The following CDH11 variants were observed in gnomAD, a reference collection of about 807,000 sequenced individuals.
The protein encoded by CDH11 is cadherin-11.
A neutral mutation model predicts 67.8 loss-of-function variants in CDH11; 11 were observed. The observed-to-expected ratio is 0.16, with a 90% CI of 0.10 to 0.27. The LOEUF (loss-of-function observed/expected upper bound fraction) is 0.27. Among genes scored for constraint, CDH11 ranks in the 10% least tolerant of loss-of-function variants. The probability of loss-of-function intolerance (pLI) is 1.00; values close to 1 mark genes in which losing one functional copy is unlikely to be tolerated. For missense variants in CDH11, 847 were observed against 1,031.2 expected (o/e 0.82, Z 2.45); for synonymous variants, 419 against 400.0 (o/e 1.05, Z -0.57).
chr16:65,044,024 A>C (rs1310357775), intron 2 of CDH11, among the ~76,000 whole-genome samples: 1 of 152,140 alleles, frequency 6.6e-6, no homozygotes, highest in Admixed American at 6.5e-5. Context: ...TGCAGTTTAA[A>C]GTGCTGTGCA....
intron 8 of CDH11, among the ~76,000 whole-genome samples, chr16:64,979,740 A>AGTGG (rs2072280516): frequency 6.6e-5 from 10 of 152,218 alleles, no homozygotes; most frequent in African/African-American, 2.4e-4. Context: ...AGGAAAGAGG[A>AGTGG]AAACATGTTT....
intron 12 of CDH11, among the ~76,000 whole-genome samples, chr16:64,949,484 C>T (rs372813021): frequency 2.1e-5 from 3 of 145,562 alleles, no homozygotes; most frequent in East Asian, 2.0e-4. Flanking sequence ...TGAAGTGCAA[C>T]GGCGCCATCT....
intron 1 of CDH11, among the ~76,000 whole-genome samples, chr16:65,061,952 C>T (rs761619675): frequency 1.3e-5 from 2 of 152,130 alleles, no homozygotes; most frequent in African/African-American, 2.4e-5. Flanking sequence ...CACAAAAAGA[C>T]GGAGTAAAGT....
chr16:65,015,326 T>C (rs181737638), intron 2 of CDH11, among the ~76,000 whole-genome samples: 2 of 152,032 alleles, frequency 1.3e-5, no homozygotes, highest in Admixed American at 1.3e-4. Context: ...AATTCTAGAA[T>C]CTCAGAGTTG....
intron 2 of CDH11, among the ~76,000 whole-genome samples, chr16:65,005,602 G>T (rs1234199467): frequency 6.6e-6 from 1 of 152,188 alleles, no homozygotes; most frequent in Non-Finnish European, 1.5e-5. Context: ...GGGAAGGGAT[G>T]TAGGGGAAGA....
At chr16:64,959,239 G>A (rs1290966028) in intron 11 of CDH11, among the ~76,000 whole-genome samples, 1 of 152,192 alleles carries the variant, frequency 6.6e-6, no homozygotes, top group Non-Finnish European at 1.5e-5. Flanking sequence ...AAGCATGTGT[G>A]TATGAGATAT....
At chr16:64,952,695 A>G (rs1275551210) in intron 11 of CDH11, among the ~76,000 whole-genome samples, 2 of 151,884 alleles carry the variant, frequency 1.3e-5, no homozygotes, top group African/African-American at 4.8e-5. Flanking sequence ...CTCACACTGA[A>G]CTTCTGGTAT....
intron 3 of CDH11, among the ~76,000 whole-genome samples, chr16:64,999,379 A>G (rs943709221): frequency 6.6e-6 from 1 of 152,198 alleles, no homozygotes; most frequent in African/African-American, 2.4e-5. Flanking sequence ...ACCCTAGTTT[A>G]TTGTTATACA....
chr16:65,049,392 G>A (rs758033694), intron 2 of CDH11, among the ~76,000 whole-genome samples: 43 of 152,028 alleles, frequency 2.8e-4, no homozygotes, highest in Middle Eastern at 6.3e-3. Flanking sequence ...TCTACCCATC[G>A]CTCATCGGTG....
At chr16:65,116,838 T>G (rs1273210819) in intron 1 of CDH11, among the ~76,000 whole-genome samples, 1 of 152,080 alleles carries the variant, frequency 6.6e-6, no homozygotes, top group Non-Finnish European at 1.5e-5. Flanking sequence ...TACTTTTGAG[T>G]TTCTTCCTCC....
At position 64,988,036 on chromosome 16, in the gene CDH11, C is replaced by G. The variant is rs732580; in HGVS notation, c.999+121G>C. The G allele has an allele frequency of 8.2e-4, 560 of 685,018 alleles. 7 individuals carry two copies. In the East Asian group the frequency reaches 0.013, roughly 16 times the overall value. The allele number at this position is 685,018 out of a possible 1,614,324, so 42.4% of individuals were successfully genotyped here. On this transcript the variant is annotated intron_variant, in intron 7 of 12. Coordinates refer to ENST00000268603, the MANE Select transcript of CDH11 (RefSeq NM_001797.4). ...AGAGCTCAGAGCTCAACTACAAAGT[C>G]AGGTCAGCCCCTGGTTTCGCAAATT...
intron 11 of CDH11, among the ~76,000 whole-genome samples, chr16:64,965,205 C>CA (rs71143537): frequency 0.5 from 28,146 of 56,656 alleles, 8,612 homozygotes; most frequent in Middle Eastern, 0.57. Flanking sequence ...CTAAAAATAC[C>CA]AAAAAAAAAA....
rs1161239715 is a variant in CDH11 at position 64,991,632 on chromosome 16, T to C, written c.811+136A>G. ...GTTGTCTTGTTTTTGTGTTTTGTTT[T>C]TGTAAGAATGATATGAATTGCCCTT... On this transcript the variant is annotated intron_variant, in intron 6 of 12. Transcript: ENST00000268603. 3 of 559,578 alleles carry C rather than the reference T, an allele frequency of 5.4e-6. No individual in the cohort carries two copies. In the Admixed American group the frequency reaches 8.9e-5, roughly 17 times the overall value. 34.7% of individuals were successfully genotyped at this position (559,578 alleles called of 1,614,324 possible). A position where few individuals can be genotyped will look rare whatever the true frequency, so the allele number is the denominator to read the frequency against.
Position 64,945,999 on chromosome 16 carries a change from C to T in CDH11, c.*1604G>A. 1 of 1,059,038 alleles carries T rather than the reference C, an allele frequency of 9.4e-7. No homozygotes were observed. Among genetic ancestry groups the T allele is most frequent in the Middle Eastern group, 4.2e-4 (1 of 2,366 alleles). 65.6% of individuals were successfully genotyped at this position (1,059,038 alleles called of 1,614,324 possible). On this transcript the variant is annotated 3_prime_UTR_variant, in exon 13 of 13. Coordinates refer to ENST00000268603, the MANE Select transcript of CDH11 (RefSeq NM_001797.4). ...TGGCCCAACTGAACAGGTGAAATGC[C>T]CTTCACATAAGTTTCAATCCCCAAG...
intron 1 of CDH11, among the ~76,000 whole-genome samples, chr16:65,113,751 G>A (rs2066132370): frequency 6.6e-6 from 1 of 152,114 alleles, no homozygotes; most frequent in South Asian, 2.1e-4. Context: ...AGCATCTGAT[G>A]CTTGGGTTAC....
intron 6 of CDH11, among the ~76,000 whole-genome samples, chr16:64,990,034 A>G (rs1354935072): frequency 1.3e-5 from 2 of 152,168 alleles, no homozygotes; most frequent in Non-Finnish European, 2.9e-5. Context: ...CTTGTAGATA[A>G]TTACCAATTA....
intron 1 of CDH11, among the ~76,000 whole-genome samples, chr16:65,055,189 A>C (rs2074122179): frequency 6.6e-6 from 1 of 152,210 alleles, no homozygotes; most frequent in Non-Finnish European, 1.5e-5. Flanking sequence ...ACCATGTTAC[A>C]TGCTGTGGCC....
intron 1 of CDH11, among the ~76,000 whole-genome samples, chr16:65,097,540 G>A (rs2074920427): frequency 6.6e-6 from 1 of 152,174 alleles, no homozygotes; most frequent in Non-Finnish European, 1.5e-5. Flanking sequence ...TCCACTTGAT[G>A]CCAGCAGCAT....
intron 12 of CDH11, 148 bp downstream of exon 12, chr16:64,950,619 C>A: frequency 1.1e-6 from 1 of 904,304 alleles, no homozygotes; most frequent in Non-Finnish European, 1.6e-6. Context: ...AACGCCCACC[C>A]CGCCCCCGTA....
Sources: allele counts gnomAD v4.1 joint callset (sites outside exome capture counted in the v4.1 genomes callset), GRCh38; gene constraint gnomAD v4.1.1; transcripts MANE v1.5; gene names NCBI Gene and HGNC (gene_info 2026-07-23, HGNC 2026-07-21).